KLF12: variants seen among roughly 807,000 people sequenced by gnomAD.
KLF12 encodes the protein Krueppel-like factor 12.
KLF12 carries 9 observed loss-of-function variants against 37.8 expected under a neutral mutation model. That is an observed-to-expected ratio of 0.24 (90% CI 0.14 to 0.42). The LOEUF is 0.42. KLF12 is among the 10% of genes least tolerant of loss of function. The probability of loss-of-function intolerance (pLI) is 1.00; values close to 1 mark genes in which losing one functional copy is unlikely to be tolerated. For missense variants in KLF12, 411 were observed against 516.0 expected (o/e 0.80, Z 1.97); for synonymous variants, 208 against 202.1 (o/e 1.03, Z -0.25).
chr13:74,096,467 T>G (rs74758862), intron 1 of KLF12, among the ~76,000 whole-genome samples: 1,891 of 152,246 alleles, frequency 0.012, 35 homozygotes, highest in African/African-American at 0.042. Context: ...CCTCACAGAA[T>G]CATCTACTAT....
chr13:74,032,015 C>A (rs894838850), intron 1 of KLF12, among the ~76,000 whole-genome samples: 1 of 152,108 alleles, frequency 6.6e-6, no homozygotes, highest in Non-Finnish European at 1.5e-5. Flanking sequence ...ATGTCCAAAG[C>A]CCCACCCAAG....
Position 73,693,228 on chromosome 13 carries a change from A to C in KLF12, c.*2262T>G, listed in dbSNP as rs1319790080. The C allele has an allele frequency of 1.3e-5, 2 of 152,184 alleles. No individual in the cohort carries two copies. Among genetic ancestry groups the C allele is most frequent in the African/African-American group, 2.4e-5 (1 of 41,430 alleles). 9.4% of individuals were successfully genotyped at this position (152,184 alleles called of 1,614,324 possible). A position where few individuals can be genotyped will look rare whatever the true frequency, so the allele number is the denominator to read the frequency against. On this transcript the variant is annotated 3_prime_UTR_variant, in exon 8 of 8. Transcript: ENST00000377669. The stretch of plus-strand genomic sequence containing the variant: ...TCTGTGTTCTCTGTCACTGACTAGT[A>C]ACCAGCACTGGCATGCATCAACAGA...
At chr13:74,203,032 G>A in the KLF12 span, among the ~76,000 whole-genome samples, 1 of 152,116 alleles carries the variant, frequency 6.6e-6, no homozygotes, top group African/African-American at 2.4e-5. Flanking sequence ...GATAGAACTA[G>A]TGATTTATTA....
intron 1 of KLF12, among the ~76,000 whole-genome samples, chr13:74,123,206 A>T (rs1877739584): frequency 6.6e-6 from 1 of 152,112 alleles, no homozygotes; most frequent in Non-Finnish European, 1.5e-5. Flanking sequence ...ACATAAAATG[A>T]AATGCGTTTA....
At chr13:73,883,418 C>T (rs966758010) in intron 3 of KLF12, among the ~76,000 whole-genome samples, 4 of 152,092 alleles carry the variant, frequency 2.6e-5, no homozygotes, top group Non-Finnish European at 4.4e-5. Flanking sequence ...ATAAACGACA[C>T]GACATCCAAT....
At chr13:73,932,331 C>T (rs891187537) in intron 3 of KLF12, among the ~76,000 whole-genome samples, 2 of 152,120 alleles carry the variant, frequency 1.3e-5, no homozygotes, top group Admixed American at 1.3e-4. Flanking sequence ...AAAGGACTGA[C>T]CAATGACACT....
intron 2 of KLF12, among the ~76,000 whole-genome samples, chr13:73,966,928 T>C (rs1891184821): frequency 6.6e-6 from 1 of 152,176 alleles, no homozygotes; most frequent in Admixed American, 6.5e-5. Flanking sequence ...AAAGAAAATG[T>C]AAAATGACAT....
At chr13:73,738,346 T>C (rs1433920186) in intron 6 of KLF12, among the ~76,000 whole-genome samples, 1 of 150,962 alleles carries the variant, frequency 6.6e-6, no homozygotes, top group Non-Finnish European at 1.5e-5. Context: ...TAGAGAGGGT[T>C]TCATAAAGTT....
chr13:74,140,428 G>T, the KLF12 span, among the ~76,000 whole-genome samples: 1 of 152,176 alleles, frequency 6.6e-6, no homozygotes, highest in Non-Finnish European at 1.5e-5. Context: ...AGGAGGCTGA[G>T]GTGGGAGGAT....
the KLF12 span, among the ~76,000 whole-genome samples, chr13:74,184,046 C>T: frequency 6.6e-6 from 1 of 152,204 alleles, no homozygotes; most frequent in East Asian, 1.9e-4. Flanking sequence ...GACCATCAGC[C>T]TCAGCATCAG....
intron 2 of KLF12, among the ~76,000 whole-genome samples, chr13:73,947,116 T>G (rs1313390294): frequency 6.6e-6 from 1 of 152,240 alleles, no homozygotes; most frequent in Non-Finnish European, 1.5e-5. Flanking sequence ...AACTGATTCC[T>G]AAGAGATGAA....
At chr13:73,850,635 T>C (rs982956736) in intron 3 of KLF12, among the ~76,000 whole-genome samples, 3 of 152,234 alleles carry the variant, frequency 2.0e-5, no homozygotes, top group African/African-American at 4.8e-5. Context: ...CATAATATTC[T>C]ACTAAATGTC....
intron 7 of KLF12, among the ~76,000 whole-genome samples, chr13:73,708,643 T>C (rs546613279): frequency 6.6e-6 from 1 of 152,288 alleles, no homozygotes; most frequent in South Asian, 2.1e-4. Context: ...TTGTAGAAAT[T>C]ACTAGAGCAT....
chr13:74,277,560 G>C, the KLF12 span, among the ~76,000 whole-genome samples: 3 of 152,192 alleles, frequency 2.0e-5, no homozygotes, highest in African/African-American at 7.2e-5. Context: ...AGAGAGGCAT[G>C]TGAAAATAAC....
At chr13:73,989,909 C>T (rs61347864) in intron 2 of KLF12, among the ~76,000 whole-genome samples, 2,096 of 151,848 alleles carry the variant, frequency 0.014, 39 homozygotes, top group East Asian at 0.063. Flanking sequence ...AATAATTACA[C>T]ATAAAAGTTT....
chr13:74,258,266 T>C, the KLF12 span: 1 of 152,052 alleles, frequency 6.6e-6, no homozygotes, highest in African/African-American at 2.4e-5. Context: ...GACAGCTATG[T>C]ATAAGTTGAA....
the KLF12 span, among the ~76,000 whole-genome samples, chr13:74,261,391 A>T: frequency 3.9e-5 from 6 of 152,158 alleles, no homozygotes; most frequent in Admixed American, 3.9e-4. Flanking sequence ...GAAGCATGAA[A>T]ATAAAAAAAT....
intron 1 of KLF12, among the ~76,000 whole-genome samples, chr13:74,040,256 T>C (rs551807947): frequency 2.6e-5 from 4 of 152,340 alleles, no homozygotes; most frequent in African/African-American, 9.6e-5. Context: ...TCAGGCATAA[T>C]GCCAGGTGCT....
At position 74,041,691 on chromosome 13, in the gene KLF12, TACACACAC is replaced by T. The variant is rs59315484; in HGVS notation, c.-31-46646_-31-46639del. Among the ~76,000 whole-genome samples the T allele has an allele frequency of 4.3e-3, 607 of 142,354 alleles. 3 individuals are homozygous for T. The highest frequency in any genetic ancestry group is 7.2e-3 in the Middle Eastern group (2 of 278). The allele number at this position is 142,354 out of a possible 152,430, so 93.4% of individuals were successfully genotyped here. On this transcript the variant is annotated intron_variant, in intron 1 of 7. Coordinates refer to ENST00000377669, the MANE Select transcript of KLF12 (RefSeq NM_007249.5). ...TATGAAATTCCCCAGATCGCTGATT[TACACACAC>T]ACACACACACACACACACACACACA...
Sources: allele counts gnomAD v4.1 joint callset (sites outside exome capture counted in the v4.1 genomes callset), GRCh38; gene constraint gnomAD v4.1.1; transcripts MANE v1.5; gene names NCBI Gene and HGNC (gene_info 2026-07-23, HGNC 2026-07-21).